The following CFAP54 variants were observed in gnomAD, a reference collection of about 807,000 sequenced individuals.
The protein encoded by CFAP54 is cilia- and flagella-associated protein 54.
CFAP54 carries 290 observed loss-of-function variants against 370.4 expected under a neutral mutation model. The observed-to-expected ratio is 0.78, with a 90% CI of 0.71 to 0.86. The LOEUF (loss-of-function observed/expected upper bound fraction) is 0.86, where lower values mean the gene tolerates loss of function less well. CFAP54 is among the 40% of genes least tolerant of loss of function. The probability of loss-of-function intolerance (pLI) is 0.00; values close to 1 mark genes in which losing one functional copy is unlikely to be tolerated. For synonymous variants in CFAP54, 1,206 were observed against 1,236.5 expected (o/e 0.98, Z 0.52); for missense variants, 3,399 against 3,528.7 (o/e 0.96, Z 0.93).
intron 55 of CFAP54, among the ~76,000 whole-genome samples, chr12:96,751,142 T>C (rs995573642): frequency 6.6e-6 from 1 of 152,200 alleles, no homozygotes; most frequent in African/African-American, 2.4e-5. Context: ...TGAGCTTCCT[T>C]ATTACATGAA....
At chr12:96,583,425 C>T (rs1246455615) in intron 22 of CFAP54, among the ~76,000 whole-genome samples, 1 of 152,020 alleles carries the variant, frequency 6.6e-6, no homozygotes, top group African/African-American at 2.4e-5. Context: ...GGATGTAAGA[C>T]AAAATGCCAT....
intron 26 of CFAP54, 138 bp downstream of exon 26, chr12:96,598,905 G>A (rs1592872451): frequency 5.0e-6 from 2 of 397,470 alleles, no homozygotes; most frequent in African/African-American, 2.1e-5. Context: ...AAATGTAGAG[G>A]CCAAACATTA....
intron 60 of CFAP54, among the ~76,000 whole-genome samples, chr12:96,777,774 G>C (rs910858311): frequency 9.2e-5 from 14 of 152,156 alleles, no homozygotes; most frequent in Admixed American, 3.3e-4. Context: ...CTACATTTCT[G>C]CTAAGGCACT....
intron 46 of CFAP54, among the ~76,000 whole-genome samples, chr12:96,702,181 G>T (rs1957498877): frequency 6.6e-6 from 1 of 152,104 alleles, no homozygotes; most frequent in Non-Finnish European, 1.5e-5. Context: ...CTGGTAGGAA[G>T]ATTTTTTCGT....
intron 26 of CFAP54, among the ~76,000 whole-genome samples, chr12:96,606,271 G>T (rs921663595): frequency 1.3e-5 from 2 of 152,198 alleles, no homozygotes; most frequent in African/African-American, 4.8e-5. Context: ...AATAGACTTA[G>T]AGGTTCATGA....
At position 96,679,715 on chromosome 12, in the gene CFAP54, C is replaced by T. The variant is rs1331032963; in HGVS notation, c.5679C>T (p.Ser1893=). The T allele has an allele frequency of 6.2e-7, 1 of 1,612,938 alleles. No individual in the cohort carries two copies. The highest frequency in any genetic ancestry group is 1.3e-5 in the African/African-American group (1 of 74,864). ...ACCATAACAGATCAATCCGACACAG[C>T]AGAAAGTTGCTTTCATTATTTCTTG... ...SKYHNRSIRH[S]RKLLSLFLAQ... The change falls in exon 40 of 68, where the codon AGC becomes AGT. Residue 1893 remains serine (S), a synonymous_variant. Coordinates refer to ENST00000524981, the MANE Select transcript of CFAP54 (RefSeq NM_001306084.2).
At chr12:96,819,705 TCTTGA>T (rs1409724417) in intron 65 of CFAP54, among the ~76,000 whole-genome samples, 1 of 152,240 alleles carries the variant, frequency 6.6e-6, no homozygotes, top group Non-Finnish European at 1.5e-5. Context: ...TTTGGATTTT[TCTTGA>T]CTTGTCTTTT....
chr12:96,627,050 A>T (rs1246518947), intron 30 of CFAP54, 111 bp downstream of exon 30: 1 of 659,228 alleles, frequency 1.5e-6, no homozygotes, highest in African/African-American at 1.9e-5. Flanking sequence ...ATATACAGTT[A>T]AAACCACTGC....
Position 96,534,350 on chromosome 12 carries a change from G to T in CFAP54, c.1705+123G>T, listed in dbSNP as rs983630150. 1.8e-5 allele frequency: 11 copies of T among 601,158 alleles called. No individual in the cohort carries two copies. The African/African-American group carries it at 2.1e-4, about 11-fold the overall frequency. The allele number at this position is 601,158 out of a possible 1,614,324, so 37.2% of individuals were successfully genotyped here. ...GAGGTACAAAGGCCCTGAGACAAGA[G>T]TGTGTTTGGTGATTGCAGGAATGGC... On this transcript the variant is annotated intron_variant, in intron 11 of 67. Coordinates refer to ENST00000524981, the MANE Select transcript of CFAP54 (RefSeq NM_001306084.2).
At chr12:96,599,078 A>G (rs1400004773) in intron 26 of CFAP54, among the ~76,000 whole-genome samples, 1 of 152,136 alleles carries the variant, frequency 6.6e-6, no homozygotes, top group African/African-American at 2.4e-5. Flanking sequence ...TTACATAGGT[A>G]TACATATGCC....
At chr12:96,809,097 G>A (rs544707003) in intron 63 of CFAP54, among the ~76,000 whole-genome samples, 5 of 152,198 alleles carry the variant, frequency 3.3e-5, no homozygotes, top group African/African-American at 9.6e-5. Flanking sequence ...TTCTTTATTT[G>A]TGACTCTGCT....
intron 46 of CFAP54, among the ~76,000 whole-genome samples, chr12:96,704,409 A>T (rs1223316509): frequency 6.1e-5 from 8 of 131,624 alleles, no homozygotes; most frequent in African/African-American, 2.3e-4. Context: ...CCTGGGCGAC[A>T]GAGCGAGACT....
chr12:96,617,712 C>T (rs567192278), intron 26 of CFAP54, among the ~76,000 whole-genome samples: 75 of 152,244 alleles, frequency 4.9e-4, no homozygotes, highest in Non-Finnish European at 9.7e-4. Context: ...TATCTGCGGG[C>T]GGGGCGTGGT....
intron 39 of CFAP54, among the ~76,000 whole-genome samples, chr12:96,667,455 CT>C (rs574960147): frequency 3.2e-3 from 486 of 152,324 alleles, no homozygotes; most frequent in Non-Finnish European, 5.2e-3. Flanking sequence ...AATCTCAGTT[CT>C]TGACTTCTGT....
intron 5 of CFAP54, among the ~76,000 whole-genome samples, chr12:96,513,978 G>T (rs765399613): frequency 6.6e-6 from 1 of 152,174 alleles, no homozygotes; most frequent in Admixed American, 6.5e-5. Context: ...TCACTGCTCA[G>T]TGTTAGCTTG....
rs199786805 is a variant in CFAP54 at position 96,694,505 on chromosome 12, G to GCACA, written c.6351+710_6351+713dup. On this transcript the variant is annotated intron_variant, in intron 45 of 67. Transcript: ENST00000524981. ...ATATCTTACGCACACACACACACGCGCACACACACACACACAACATATATT... is the reference window on the plus strand; with the variant it reads ...ATATCTTACGCACACACACACACGCGCACACACACACACACACACAACATATATT... Among the ~76,000 whole-genome samples the GCACA allele has an allele frequency of 1.7e-4, 26 of 150,564 alleles. No individual in the cohort carries two copies. The East Asian group carries it at 4.1e-3, about 24-fold the overall frequency.
chr12:96,532,849 G>C (rs145975987), intron 9 of CFAP54, among the ~76,000 whole-genome samples: 1 of 152,060 alleles, frequency 6.6e-6, no homozygotes, highest in Non-Finnish European at 1.5e-5. Flanking sequence ...TCGAACTCCT[G>C]GGCTCAAGGG....
chr12:96,599,370 G>A (rs998522008), intron 26 of CFAP54, among the ~76,000 whole-genome samples: 1 of 152,090 alleles, frequency 6.6e-6, no homozygotes, highest in African/African-American at 2.4e-5. Context: ...AGTATTCCAT[G>A]GTGTATATGT....
intron 66 of CFAP54, among the ~76,000 whole-genome samples, chr12:96,841,076 C>T (rs894860373): frequency 6.6e-6 from 1 of 152,178 alleles, no homozygotes; most frequent in East Asian, 1.9e-4. Context: ...TATCCGTGCT[C>T]AAAGTAGCAG....
Sources: allele counts gnomAD v4.1 joint callset (sites outside exome capture counted in the v4.1 genomes callset), GRCh38; gene constraint gnomAD v4.1.1; transcripts MANE v1.5; gene names NCBI Gene and HGNC (gene_info 2026-07-23, HGNC 2026-07-21).